Variants in CNTN5 observed in about 807,000 individuals in gnomAD.
The protein encoded by CNTN5 is contactin-5.
In CNTN5, 77 loss-of-function variants were observed where a neutral mutation model predicts 129.1. That is an observed-to-expected ratio of 0.60 (90% CI 0.50 to 0.72). The LOEUF (loss-of-function observed/expected upper bound fraction) is 0.72. CNTN5 is among the 30% of genes least tolerant of loss of function. CNTN5 has a pLI of 0.00. For missense variants in CNTN5, 1,478 were observed against 1,328.8 expected (o/e 1.11, Z -1.75); for synonymous variants, 509 against 465.6 (o/e 1.09, Z -1.20).
intron 21 of CNTN5, chr11:100,337,189 A>T: frequency 6.6e-7 from 1 of 1,525,282 alleles, no homozygotes; most frequent in South Asian, 1.1e-5. Context: ...CACAGATGAC[A>T]CCAGCAGTGA....
At chr11:99,380,780 AAAAAAAGAAAAG>A (rs1287176688) in intron 2 of CNTN5, among the ~76,000 whole-genome samples, 1 of 148,058 alleles carries the variant, frequency 6.8e-6, no homozygotes, top group East Asian at 2.0e-4. Context: ...AAAAAAAAAA[AAAAAAAGAAAAG>A]AAAAAAGAAA....
chr11:100,019,022 G>A (rs112817747), intron 9 of CNTN5, among the ~76,000 whole-genome samples: 1,847 of 151,972 alleles, frequency 0.012, 49 homozygotes, highest in African/African-American at 0.043. Flanking sequence ...TTTTGCGTGA[G>A]AGTTGTTTAA....
intron 9 of CNTN5, among the ~76,000 whole-genome samples, chr11:100,023,164 A>T (rs1317117554): frequency 1.3e-5 from 2 of 152,146 alleles, no homozygotes; most frequent in African/African-American, 4.8e-5. Flanking sequence ...CTGTTCAACG[A>T]TGCTGTGATC....
rs768050365 is a variant in CNTN5 at position 100,070,492 on chromosome 11, T to A, written c.1231T>A (p.Cys411Ser). ...LDSGSPLRWE[C>S]KATGKPRPTY... The stretch of plus-strand genomic sequence containing the variant: ...CAGTGGGAGCCCTCTCCGATGGGAA[T>A]GTAAGGCTACTGGAAAACCCAGACC... Residue 411 changes from cysteine (C) to serine (S), a missense_variant, in exon 11 of 25, where the codon TGT becomes AGT. Cys to Ser is a moderately radical substitution (Grantham distance 112). Transcript: ENST00000524871. 1.2e-6 allele frequency: 2 copies of A among 1,613,054 alleles called. No individual in the cohort carries two copies. The highest frequency in any genetic ancestry group is 1.7e-6 in the Non-Finnish European group (2 of 1,179,462).
intron 13 of CNTN5, among the ~76,000 whole-genome samples, chr11:100,172,761 C>G (rs976554521): frequency 6.6e-6 from 1 of 151,886 alleles, no homozygotes; most frequent in Non-Finnish European, 1.5e-5. Flanking sequence ...AAAAAAGCAG[C>G]TGGGATTTTG....
chr11:100,111,517 A>G (rs924126657), intron 13 of CNTN5, among the ~76,000 whole-genome samples: 4 of 152,296 alleles, frequency 2.6e-5, no homozygotes, highest in Admixed American at 6.5e-5. Context: ...AATATTCCCA[A>G]TCTCATTCTA....
At chr11:99,493,198 A>G (rs888457360) in intron 2 of CNTN5, among the ~76,000 whole-genome samples, 21 of 152,232 alleles carry the variant, frequency 1.4e-4, no homozygotes, top group Admixed American at 1.1e-3. Context: ...TACAAAAATT[A>G]TCTGAAATAG....
rs573966203 is a variant in CNTN5, at chr11:99,201,071, C to G, written c.-209-124275C>G. Among the ~76,000 whole-genome samples, 32 of 122,320 alleles carry G rather than the reference C, an allele frequency of 2.6e-4. No individual in the cohort carries two copies. In the Admixed American group the frequency reaches 2.6e-3, roughly 10 times the overall value. 80.2% of individuals were successfully genotyped at this position (122,320 alleles called of 152,430 possible). A position where few individuals can be genotyped will look rare whatever the true frequency, so the allele number is the denominator to read the frequency against. On this transcript the variant is annotated intron_variant, in intron 1 of 24. Transcript: ENST00000524871. ...CCAGAGTCTTGACCTGTCGCCCAGG[C>G]TGGAGTGCAGTGGTAGAATCTCAGC...
intron 13 of CNTN5, among the ~76,000 whole-genome samples, chr11:100,112,220 C>A (rs1186389198): frequency 6.6e-6 from 1 of 152,068 alleles, no homozygotes; most frequent in African/African-American, 2.4e-5. Context: ...TGGACTGAGG[C>A]CATTCCAACA....
At chr11:99,140,529 T>C (rs1222016583) in intron 1 of CNTN5, among the ~76,000 whole-genome samples, 2 of 152,140 alleles carry the variant, frequency 1.3e-5, no homozygotes, top group South Asian at 2.1e-4. Context: ...TTCAGTATTA[T>C]GTTGAATGAA....
chr11:99,688,723 A>G (rs1461255457), intron 3 of CNTN5, among the ~76,000 whole-genome samples: 4 of 152,120 alleles, frequency 2.6e-5, no homozygotes, highest in Non-Finnish European at 4.4e-5. Context: ...TAATCCCAGC[A>G]TTCATTAGCT....
intron 1 of CNTN5, among the ~76,000 whole-genome samples, chr11:99,303,499 G>C (rs1864735403): frequency 6.6e-6 from 1 of 150,384 alleles, no homozygotes; most frequent in African/African-American, 2.4e-5. Flanking sequence ...TATCTAGCTT[G>C]TGACCTACCA....
chr11:100,076,830 A>G (rs1244682552), intron 13 of CNTN5, among the ~76,000 whole-genome samples: 1 of 152,132 alleles, frequency 6.6e-6, no homozygotes, highest in Non-Finnish European at 1.5e-5. Context: ...TGACAGGCAC[A>G]CTTACAAAAT....
intron 4 of CNTN5, among the ~76,000 whole-genome samples, chr11:99,828,339 A>C (rs1379355805): frequency 2.0e-5 from 3 of 152,242 alleles, no homozygotes; most frequent in Non-Finnish European, 4.4e-5. Context: ...TAAAATGAAC[A>C]GAAATGTGTT....
At chr11:100,243,210 T>C (rs1949777679) in intron 16 of CNTN5, among the ~76,000 whole-genome samples, 1 of 152,224 alleles carries the variant, frequency 6.6e-6, no homozygotes, top group Admixed American at 6.5e-5. Context: ...TAAATGCAGA[T>C]AGCAAAGAAC....
chr11:99,537,945 A>G (rs1947961886), intron 2 of CNTN5, among the ~76,000 whole-genome samples: 1 of 152,154 alleles, frequency 6.6e-6, no homozygotes, highest in Non-Finnish European at 1.5e-5. Flanking sequence ...TGTCAAATAC[A>G]ATTTGCCATT....
intron 3 of CNTN5, among the ~76,000 whole-genome samples, chr11:99,705,124 G>A (rs1954698461): frequency 6.6e-6 from 1 of 151,356 alleles, no homozygotes; most frequent in African/African-American, 2.4e-5. Context: ...CTGTCACCCA[G>A]AAGTGTATAC....
At chr11:99,916,510 GC>G (rs765812966) in intron 7 of CNTN5, among the ~76,000 whole-genome samples, 1 of 152,122 alleles carries the variant, frequency 6.6e-6, no homozygotes, top group Non-Finnish European at 1.5e-5. Flanking sequence ...ATACCAATAT[GC>G]GTCTTGTTTC....
At chr11:100,226,224 T>C (rs1043208426) in intron 16 of CNTN5, among the ~76,000 whole-genome samples, 1 of 152,134 alleles carries the variant, frequency 6.6e-6, no homozygotes, top group East Asian at 1.9e-4. Flanking sequence ...CTACACTCAG[T>C]CAAATTCATA....
Sources: allele counts gnomAD v4.1 joint callset (sites outside exome capture counted in the v4.1 genomes callset), GRCh38; gene constraint gnomAD v4.1.1; transcripts MANE v1.5; gene names NCBI Gene and HGNC (gene_info 2026-07-23, HGNC 2026-07-21).